Variants in IL6R observed in about 807,000 individuals in gnomAD.
The protein encoded by IL6R is interleukin-6 receptor subunit alpha.
Under a neutral mutation model 48.3 loss-of-function variants are expected in IL6R, and 38 were observed. That is an observed-to-expected ratio of 0.79 (90% confidence interval 0.61 to 1.03). The LOEUF (loss-of-function observed/expected upper bound fraction) is 1.03. Among genes scored for constraint, IL6R ranks in the 50% least tolerant of loss-of-function variants. The pLI is 0.00. For synonymous variants in IL6R, 264 were observed against 256.2 expected (o/e 1.03, Z -0.29); for missense variants, 534 against 618.3 (o/e 0.86, Z 1.45).
intron 6 of IL6R, among the ~76,000 whole-genome samples, chr1:154,447,476 T>TATATATATATATATAC (rs1424013885): frequency 8.7e-5 from 6 of 68,830 alleles, no homozygotes; most frequent in South Asian, 4.7e-4. Flanking sequence ...TATATATATA[T>TATATATATATATATAC]ACACACACAC....
chr1:154,447,404 A>T lies in IL6R; in HGVS notation c.950-721A>T, dbSNP rs1191426441. Among the ~76,000 whole-genome samples, 12 of 136,260 alleles carry T rather than the reference A, an allele frequency of 8.8e-5. No individual in the cohort carries two copies. The Admixed American group carries it at 9.8e-4, about 11-fold the overall frequency. 89.4% of individuals were successfully genotyped at this position (136,260 alleles called of 152,430 possible). A position where few individuals can be genotyped will look rare whatever the true frequency, so the allele number is the denominator to read the frequency against. ...CAGTGAGCCGAGATTATGCCACTTCACTCCAGCCTGGGCAAAAGAGTGAAA... is the reference window on the plus strand; with the variant it reads ...CAGTGAGCCGAGATTATGCCACTTCTCTCCAGCCTGGGCAAAAGAGTGAAA... On this transcript the variant is annotated intron_variant, in intron 6 of 9. Transcript: ENST00000368485.
intron 1 of IL6R, among the ~76,000 whole-genome samples, chr1:154,420,945 C>G (rs1488461147): frequency 1.3e-5 from 2 of 152,198 alleles, no homozygotes; most frequent in African/African-American, 4.8e-5. Context: ...AGACCAGACA[C>G]CAACACTGAC....
chr1:154,419,707 C>T (rs909548820), intron 1 of IL6R, among the ~76,000 whole-genome samples: 2 of 152,194 alleles, frequency 1.3e-5, no homozygotes, highest in East Asian at 1.9e-4. Context: ...CTTACATAAA[C>T]GGGGCCAGGA....
intron 1 of IL6R, among the ~76,000 whole-genome samples, chr1:154,408,270 C>T (rs530380342): frequency 4.3e-4 from 65 of 152,304 alleles, no homozygotes; most frequent in African/African-American, 1.6e-3. Context: ...AATGAAGGCC[C>T]TCCCGCTTCG....
intron 9 of IL6R, among the ~76,000 whole-genome samples, chr1:154,457,285 T>G (rs149467168): frequency 0.011 from 1,393 of 127,630 alleles, 27 homozygotes; most frequent in African/African-American, 0.04. Context: ...ATTGCACCAC[T>G]GCACTCCAGC....
At chr1:154,415,229 A>C in intron 1 of IL6R, 1 of 628,298 alleles carries the variant, frequency 1.6e-6, no homozygotes, top group Non-Finnish European at 2.9e-6. Context: ...CCATTCCAAT[A>C]TTTTAAAAGA....
rs777460123 is a variant in IL6R, at chr1:154,435,075, C to T, written c.726C>T (p.His242=). The change falls in exon 5 of 10, where the codon CAC becomes CAT. Residue 242 remains histidine, a synonymous_variant. Transcript: ENST00000368485. The stretch of plus-strand genomic sequence containing the variant: ...TCAGTGTCACCTGGCAAGACCCCCA[C>T]TCCTGGAACTCATCTTTCTACAGAC... ...RWLSVTWQDP[H]SWNSSFYRLR... 2.5e-6 allele frequency: 4 copies of T among 1,614,158 alleles called. No homozygotes were observed.
chr1:154,446,578 G>A (rs1266351940), intron 6 of IL6R, among the ~76,000 whole-genome samples: 4 of 152,150 alleles, frequency 2.6e-5, no homozygotes, highest in African/African-American at 7.2e-5. Flanking sequence ...TGCCTGTTAC[G>A]GTTAAGGCCC....
chr1:154,433,006 C>T (rs1689390663), intron 3 of IL6R, among the ~76,000 whole-genome samples: 1 of 152,254 alleles, frequency 6.6e-6, no homozygotes, highest in Admixed American at 6.5e-5. Context: ...AGCTCAGCCT[C>T]TGCCTTGGAC....
At chr1:154,442,189 C>T (rs1025833748) in intron 6 of IL6R, among the ~76,000 whole-genome samples, 12 of 152,072 alleles carry the variant, frequency 7.9e-5, no homozygotes, top group East Asian at 5.8e-4. Context: ...GAGGAGGGTG[C>T]GTGCCCCACT....
intron 9 of IL6R, among the ~76,000 whole-genome samples, chr1:154,457,188 T>C (rs1690931968): frequency 6.6e-6 from 1 of 151,858 alleles, no homozygotes; most frequent in Non-Finnish European, 1.5e-5. Flanking sequence ...CTGGGCATAG[T>C]GGCACATGCC....
intron 8 of IL6R, among the ~76,000 whole-genome samples, chr1:154,451,400 C>T (rs535867553): frequency 6.6e-6 from 1 of 152,152 alleles, no homozygotes; most frequent in Non-Finnish European, 1.5e-5. Flanking sequence ...TGCCTATAAT[C>T]CCAGCTACTT....
chr1:154,424,461 A>C (rs892795927), intron 1 of IL6R, among the ~76,000 whole-genome samples: 6 of 152,234 alleles, frequency 3.9e-5, no homozygotes, highest in Middle Eastern at 3.2e-3. Flanking sequence ...GATTTCTGCT[A>C]ATCAGCGAAT....
At chr1:154,464,833 C>G (rs192294411) in intron 9 of IL6R, among the ~76,000 whole-genome samples, 113 of 152,182 alleles carry the variant, frequency 7.4e-4, no homozygotes, top group African/African-American at 2.4e-3. Context: ...GTGGCACACA[C>G]CTGTAGCCCC....
At chr1:154,447,758 A>G (rs1194450606) in intron 6 of IL6R, among the ~76,000 whole-genome samples, 1 of 149,090 alleles carries the variant, frequency 6.7e-6, no homozygotes, top group Non-Finnish European at 1.5e-5. Flanking sequence ...CTTATTGCCC[A>G]TGCTGGAGTG....
chr1:154,410,318 C>T (rs1687949802), intron 1 of IL6R, among the ~76,000 whole-genome samples: 1 of 151,638 alleles, frequency 6.6e-6, no homozygotes, highest in Non-Finnish European at 1.5e-5. Context: ...GTGGCACAAT[C>T]ACTGCTCACT....
chr1:154,461,467 T>C (rs1237396517), intron 9 of IL6R, among the ~76,000 whole-genome samples: 2 of 152,216 alleles, frequency 1.3e-5, no homozygotes, highest in African/African-American at 2.4e-5. Flanking sequence ...GCGGCCCTTA[T>C]GCCGGCATGA....
chr1:154,462,029 G>A (rs1487937702), intron 9 of IL6R, among the ~76,000 whole-genome samples: 2 of 152,110 alleles, frequency 1.3e-5, no homozygotes, highest in East Asian at 1.9e-4. Context: ...GAAACAACGG[G>A]GATGCAGATG....
chr1:154,411,948 T>C (rs1223159594), intron 1 of IL6R, among the ~76,000 whole-genome samples: 1 of 121,358 alleles, frequency 8.2e-6, no homozygotes, highest in Non-Finnish European at 1.6e-5. Context: ...CCTAAGAGCC[T>C]TTTTTTTTTT....
Sources: gnomAD v4.1 joint callset for allele counts (sites outside exome capture counted in the v4.1 genomes callset) on GRCh38, gnomAD v4.1.1 for gene constraint, MANE v1.5 for transcripts, NCBI Gene and HGNC (gene_info 2026-07-23, HGNC 2026-07-21) for gene names.